The following WWOX variants were observed in gnomAD, a reference collection of about 807,000 sequenced individuals.
WWOX encodes WW domain containing oxidoreductase.
A neutral mutation model predicts 46.2 loss-of-function variants in WWOX; 69 were observed. That is an observed-to-expected ratio of 1.49 (90% CI 1.23 to 1.82). The LOEUF (loss-of-function observed/expected upper bound fraction) is 1.82, where lower values mean the gene tolerates loss of function less well. Among genes scored for constraint, WWOX ranks in the 40% most tolerant of loss-of-function variants. The pLI is 0.00. For missense variants in WWOX, 919 were observed against 542.6 expected, an observed-to-expected ratio of 1.69 and a Z score of -6.89; for synonymous variants, 359 against 202.6, an observed-to-expected ratio of 1.77 and a Z score of -6.56.
intron 8 of WWOX, among the ~76,000 whole-genome samples, chr16:78,962,059 C>T (rs79730335): frequency 6.6e-6 from 1 of 152,138 alleles, no homozygotes; most frequent in African/African-American, 2.4e-5. Flanking sequence ...TACCTATGAT[C>T]CAGTGGGTTG....
rs114447692 is a variant in WWOX, at chr16:79,188,575, C to T, written c.1057-23033C>T. The stretch of plus-strand genomic sequence containing the variant: ...TTGTTTCACCTAATTTCCACACTTA[C>T]GAAGTCAAACTCTCAGTTAAATGTT... On this transcript the variant is annotated intron_variant, in intron 8 of 8. Coordinates refer to ENST00000566780, the MANE Select transcript of WWOX (RefSeq NM_016373.4). Among the ~76,000 whole-genome samples, 22 of 152,190 alleles carry T rather than the reference C, an allele frequency of 1.4e-4. No homozygotes were observed. The East Asian group carries it at 1.7e-3, about 12-fold the overall frequency.
intron 8 of WWOX, among the ~76,000 whole-genome samples, chr16:79,025,968 T>C (rs1158810768): frequency 2.0e-5 from 3 of 148,698 alleles, no homozygotes; most frequent in South Asian, 4.2e-4. Context: ...CGAGCTAATG[T>C]TTTTGGATTT....
chr16:78,624,346 A>G (rs992607762), intron 8 of WWOX, among the ~76,000 whole-genome samples: 1 of 152,074 alleles, frequency 6.6e-6, no homozygotes, highest in Non-Finnish European at 1.5e-5. Flanking sequence ...ACCAAACCCT[A>G]AATAATTGTC....
chr16:78,488,545 C>T (rs189751316), intron 8 of WWOX, among the ~76,000 whole-genome samples: 1 of 152,250 alleles, frequency 6.6e-6, no homozygotes, highest in African/African-American at 2.4e-5. Context: ...AGCAGACTGA[C>T]TGCTTTTTGG....
At chr16:78,747,639 C>G (rs775293700) in intron 8 of WWOX, among the ~76,000 whole-genome samples, 1 of 152,158 alleles carries the variant, frequency 6.6e-6, no homozygotes. Context: ...TCCTCACCCA[C>G]TCTGTTTCTT....
rs895419840 is a variant in WWOX, at chr16:78,232,191, G to A, written c.516+67902G>A. ...AATCACTTTCCTTAAAATTGCCAGA[G>A]TAGGAAAACTTACAATTGAAGAATT... is the stretch of plus-strand genomic sequence containing the variant. On this transcript the variant is annotated intron_variant, in intron 5 of 8. Transcript: ENST00000566780. 3.9e-5 allele frequency among the ~76,000 whole-genome samples: 6 copies of A among 152,114 alleles called. No individual in the cohort carries two copies. In the East Asian group the frequency reaches 1.2e-3, roughly 29 times the overall value.
intron 6 of WWOX, among the ~76,000 whole-genome samples, chr16:78,412,206 A>G (rs944250107): frequency 2.0e-5 from 3 of 152,198 alleles, no homozygotes; most frequent in Non-Finnish European, 2.9e-5. Flanking sequence ...GGGATAGCAC[A>G]TTGTTTTCCT....
At chr16:78,907,333 A>G (rs1049801081) in intron 8 of WWOX, among the ~76,000 whole-genome samples, 4 of 152,208 alleles carry the variant, frequency 2.6e-5, no homozygotes, top group Non-Finnish European at 5.9e-5. Context: ...CTTAGGTTCT[A>G]CAAAGTGATG....
chr16:78,908,869 T>C, intron 8 of WWOX, among the ~76,000 whole-genome samples: 1 of 152,218 alleles, frequency 6.6e-6, no homozygotes, highest in Non-Finnish European at 1.5e-5. Context: ...TTTACCATAG[T>C]GACATTATCC....
At chr16:78,456,739 C>G (rs2083827416) in intron 8 of WWOX, among the ~76,000 whole-genome samples, 1 of 152,172 alleles carries the variant, frequency 6.6e-6, no homozygotes, top group Non-Finnish European at 1.5e-5. Context: ...ATCCACATGT[C>G]TCAGTTTCAT....
At chr16:79,150,581 T>C (rs979228364) in intron 8 of WWOX, among the ~76,000 whole-genome samples, 1 of 152,160 alleles carries the variant, frequency 6.6e-6, no homozygotes, top group Non-Finnish European at 1.5e-5. Context: ...ACGTGGAAAT[T>C]AGCTATAAAC....
rs756994019 is a variant in WWOX, at chr16:79,006,696, G to A, written c.1057-204912G>A. Among the ~76,000 whole-genome samples, 225 of 152,168 alleles carry A rather than the reference G, an allele frequency of 1.5e-3. 1 individual carries two copies. Among genetic ancestry groups the A allele is most frequent in the Non-Finnish European group, 2.9e-3 (195 of 68,008 alleles). On this transcript the variant is annotated intron_variant, in intron 8 of 8. Transcript: ENST00000566780. ...TAAGATCCAGGTGTAGGTGGGGCTG[G>A]GCTTTTTCTGGAGGCCCTAGAGGGC...
At chr16:78,907,882 T>C (rs949093924) in intron 8 of WWOX, among the ~76,000 whole-genome samples, 2 of 152,096 alleles carry the variant, frequency 1.3e-5, no homozygotes, top group African/African-American at 4.8e-5. Flanking sequence ...CCGTGGCATG[T>C]CAAGGGTCGA....
chr16:78,655,622 G>A (rs1431479116), intron 8 of WWOX, among the ~76,000 whole-genome samples: 1 of 152,022 alleles, frequency 6.6e-6, no homozygotes, highest in Non-Finnish European at 1.5e-5. Context: ...GAACGGCTAA[G>A]TAGTGATAAT....
intron 8 of WWOX, among the ~76,000 whole-genome samples, chr16:79,153,759 G>A (rs993738976): frequency 6.6e-6 from 1 of 152,028 alleles, no homozygotes; most frequent in Non-Finnish European, 1.5e-5. Context: ...TTTTTGGGGG[G>A]GGTTTTTTGT....
At chr16:79,030,877 G>C (rs762353224) in intron 8 of WWOX, among the ~76,000 whole-genome samples, 10 of 152,036 alleles carry the variant, frequency 6.6e-5, no homozygotes, top group African/African-American at 2.4e-4. Flanking sequence ...GAGCCCAGGA[G>C]CTTAAGACCA....
intron 8 of WWOX, among the ~76,000 whole-genome samples, chr16:79,036,555 T>C (rs995289894): frequency 6.6e-6 from 1 of 152,200 alleles, no homozygotes; most frequent in Non-Finnish European, 1.5e-5. Context: ...GCCTGAATTA[T>C]CGGAGCTCTT....
At chr16:78,945,977 T>C (rs1235582109) in intron 8 of WWOX, among the ~76,000 whole-genome samples, 1 of 152,168 alleles carries the variant, frequency 6.6e-6, no homozygotes, top group Non-Finnish European at 1.5e-5. Flanking sequence ...TCACCTGTCC[T>C]GCCTTCCTCA....
chr16:78,770,151 G>C (rs1416905076), intron 8 of WWOX, among the ~76,000 whole-genome samples: 2 of 152,222 alleles, frequency 1.3e-5, no homozygotes, highest in African/African-American at 4.8e-5. Context: ...AGGAGTTCGA[G>C]ACCAGCCTGG....
Sources: gnomAD v4.1 joint callset for allele counts (sites outside exome capture counted in the v4.1 genomes callset) on GRCh38, gnomAD v4.1.1 for gene constraint, MANE v1.5 for transcripts, NCBI Gene and HGNC (gene_info 2026-07-23, HGNC 2026-07-21) for gene names.